PCDHGB1: variants seen among roughly 807,000 people sequenced by gnomAD.
PCDHGB1 encodes protocadherin gamma subfamily B, 1, also known as protocadherin gamma-B1.
A neutral mutation model predicts 56.6 loss-of-function variants in PCDHGB1; 34 were observed. That is an observed-to-expected ratio of 0.60 (90% CI 0.46 to 0.80). The LOEUF is 0.80. PCDHGB1 is among the 30% of genes least tolerant of loss of function. The probability of loss-of-function intolerance (pLI) is 0.00; values close to 1 mark genes in which losing one functional copy is unlikely to be tolerated. For synonymous variants in PCDHGB1, 561 were observed against 505.9 expected (o/e 1.11, Z -1.46); for missense variants, 1,278 against 1,204.6 (o/e 1.06, Z -0.90).
chr5:141,386,119 G>T (rs2090470238), intron 1 of PCDHGB1: 1 of 152,186 alleles, frequency 6.6e-6, no homozygotes, highest in Non-Finnish European at 1.5e-5. Context: ...ATCAAAGTGG[G>T]AGATTGGGGA....
At chr5:141,372,976 A>G (rs1223476542) in intron 1 of PCDHGB1, 1 of 663,898 alleles carries the variant, frequency 1.5e-6, no homozygotes, top group Non-Finnish European at 2.5e-6. Context: ...CCTGTAGAAT[A>G]TCTGTGTTGC....
chr5:141,476,825 G>A lies in PCDHGB1; in HGVS notation c.2410-17982G>A. ...GCCTATTCACATCAAGGTGCTGGACGCGAATGACAATGCGCCTGTCTTCAA... is the reference window on the plus strand; with the variant it reads ...GCCTATTCACATCAAGGTGCTGGACACGAATGACAATGCGCCTGTCTTCAA... On this transcript the variant is annotated intron_variant, in intron 1 of 3. Transcript: ENST00000523390. The surrounding 1 kb of genome is among the most constrained non-coding windows in gnomAD (Gnocchi z 7.6). 6.2e-7 allele frequency: 1 copy of A among 1,613,554 alleles called. No individual in the cohort carries two copies. Among genetic ancestry groups the A allele is most frequent in the East Asian group, 2.2e-5 (1 of 44,870 alleles).
At position 141,486,449 on chromosome 5, in the gene PCDHGB1, A is replaced by G; in HGVS notation, c.2410-8358A>G. On this transcript the variant is annotated intron_variant, in intron 1 of 3. Coordinates refer to ENST00000523390, the MANE Select transcript of PCDHGB1 (RefSeq NM_018922.3). The surrounding 1 kb of genome is among the most constrained non-coding windows in gnomAD (Gnocchi z 5.0). The stretch of plus-strand genomic sequence containing the variant: ...CAAATCTAGCTATGACATCATGGTC[A>G]CTGCTTCTGATGCTGGGAACCCTCC... The G allele has an allele frequency of 6.2e-7, 1 of 1,614,184 alleles. No homozygotes were observed. Among genetic ancestry groups the G allele is most frequent in the Non-Finnish European group, 8.5e-7 (1 of 1,180,000 alleles).
At chr5:141,405,032 G>A (rs747720731) in intron 1 of PCDHGB1, 25 of 1,613,806 alleles carry the variant, frequency 1.5e-5, no homozygotes, top group African/African-American at 6.7e-5. Context: ...CCTCTACCTC[G>A]TTGTGGCTGT....
chr5:141,366,139 G>GCTGT, intron 1 of PCDHGB1: 1 of 1,614,184 alleles, frequency 6.2e-7, no homozygotes, highest in East Asian at 2.2e-5. Context: ...AGAACGCCTG[G>GCTGT]CTGTCCTACC....
chr5:141,370,449 C>G, intron 1 of PCDHGB1: 1 of 1,608,694 alleles, frequency 6.2e-7, no homozygotes, highest in East Asian at 2.2e-5. Flanking sequence ...AATGCTATTT[C>G]TCTTCCTGCT....
At chr5:141,481,462 C>T (rs1395867714) in intron 1 of PCDHGB1, among the ~76,000 whole-genome samples, 1 of 152,162 alleles carries the variant, frequency 6.6e-6, no homozygotes. Flanking sequence ...ACACTGAAAA[C>T]CATTGGATTA....
intron 1 of PCDHGB1, among the ~76,000 whole-genome samples, chr5:141,382,034 G>A (rs574726397): frequency 6.6e-5 from 10 of 151,712 alleles, no homozygotes; most frequent in African/African-American, 2.4e-4. Flanking sequence ...TCTCCATGTT[G>A]GTCAGGCTGG....
chr5:141,408,965 C>T lies in PCDHGB1; in HGVS notation c.2409+56296C>T, dbSNP rs767484272. The T allele has an allele frequency of 1.5e-5, 25 of 1,613,688 alleles. No homozygotes were observed. The Admixed American group carries it at 4.2e-4, about 27-fold the overall frequency. On this transcript the variant is annotated intron_variant, in intron 1 of 3. Transcript: ENST00000523390. ...ATATAGAATTAGTCTTAGTGAAAATCTGCCCCCTGGGTCCCCTGTGTTGCA... is the reference window on the plus strand; with the variant it reads ...ATATAGAATTAGTCTTAGTGAAAATTTGCCCCCTGGGTCCCCTGTGTTGCA...
intron 2 of PCDHGB1, among the ~76,000 whole-genome samples, chr5:141,496,347 T>C (rs1168306693): frequency 6.6e-6 from 1 of 152,198 alleles, no homozygotes; most frequent in Non-Finnish European, 1.5e-5. Context: ...TGGAGGAGTC[T>C]CAGAGCCCAG....
rs149920059 is a variant in PCDHGB1 at position 141,409,848 on chromosome 5, G to A, written c.2409+57179G>A. 8,006 of 1,612,024 alleles carry A rather than the reference G, an allele frequency of 5.0e-3. 45 individuals are homozygous for A. The highest frequency in any genetic ancestry group is 9.5e-3 in the Admixed American group (567 of 59,794). On this transcript the variant is annotated intron_variant, in intron 1 of 3. Transcript: ENST00000523390. ...ACGCTCAGCGCCAACGTGAGCCTGC[G>A]CGTGTTGGTGGGAGACCGCAATGAC... is the stretch of plus-strand genomic sequence containing the variant.
chr5:141,433,508 A>G (rs2097615565), intron 1 of PCDHGB1, among the ~76,000 whole-genome samples: 1 of 152,068 alleles, frequency 6.6e-6, no homozygotes, highest in Non-Finnish European at 1.5e-5. Context: ...TGCTGGGATT[A>G]CAGGCGTGAA....
Position 141,430,120 on chromosome 5 carries a change from G to A in PCDHGB1, c.2410-64687G>A, listed in dbSNP as rs73280905. Among the ~76,000 whole-genome samples, 1,257 of 152,134 alleles carry A rather than the reference G, an allele frequency of 8.3e-3. 17 individuals are homozygous for A. Among genetic ancestry groups the A allele is most frequent in the African/African-American group, 0.029 (1,193 of 41,506 alleles). Reference sequence around the variant, plus strand: ...TTAAGCGTTACATGTCAACAACCTGGTAAAGTAATCCTTCCATTCAGGATC... The same window carrying A: ...TTAAGCGTTACATGTCAACAACCTGATAAAGTAATCCTTCCATTCAGGATC... On this transcript the variant is annotated intron_variant, in intron 1 of 3. Coordinates refer to ENST00000523390, the MANE Select transcript of PCDHGB1 (RefSeq NM_018922.3).
At position 141,512,133 on chromosome 5, in the gene PCDHGB1, G is replaced by C. The variant is rs1394116556; in HGVS notation, c.*960G>C. 1 of 152,708 alleles carries C rather than the reference G, an allele frequency of 6.5e-6. No homozygotes were observed. Among genetic ancestry groups the C allele is most frequent in the Non-Finnish European group, 1.5e-5 (1 of 68,102 alleles). The allele number at this position is 152,708 out of a possible 1,614,324, so 9.5% of individuals were successfully genotyped here. On this transcript the variant is annotated 3_prime_UTR_variant, in exon 4 of 4. Transcript: ENST00000523390. ...CCACTACATAATAGGGCTCAGCCCA[G>C]GCAGCCAGCTTTGGGCTGAGCTAAC...
At chr5:141,395,517 T>G in intron 1 of PCDHGB1, 2 of 415,414 alleles carry the variant, frequency 4.8e-6, no homozygotes, top group Non-Finnish European at 4.3e-6. Context: ...TAGCTACCCG[T>G]CCATACTGGT....
rs372258212 is a variant in PCDHGB1, at chr5:141,352,656, C to G, written c.2396C>G (p.Ser799Cys). The change falls in exon 1 of 4, where the codon TCT (serine) becomes TGT (cysteine). Residue 799 changes from serine (S) to cysteine (C), a missense_variant. Coordinates refer to ENST00000523390, the MANE Select transcript of PCDHGB1 (RefSeq NM_018922.3). ...NEDHKIAYDP[S>C]LSSHQAPPNT... ...GATCACAAAATCGCTTATGACCCTT[C>G]TTTGTCTTCGCACGTGAGTTTCTGC... 6.4e-5 allele frequency: 102 copies of G among 1,597,586 alleles called. No homozygotes were observed. The highest frequency in any genetic ancestry group is 8.3e-5 in the Non-Finnish European group (97 of 1,171,388).
chr5:141,486,559 G>A lies in PCDHGB1; in HGVS notation c.2410-8248G>A. ...CTTTCTTTCAGAGGTCACATGAGGTGTTTGTTCCTGAGAACAATCGCCCAG... is the reference window on the plus strand; with the variant it reads ...CTTTCTTTCAGAGGTCACATGAGGTATTTGTTCCTGAGAACAATCGCCCAG... On this transcript the variant is annotated intron_variant, in intron 1 of 3. Transcript: ENST00000523390. This position sits in a 1 kb window ranked among gnomAD's most constrained non-coding sequence, Gnocchi z 5.0. 6.2e-7 allele frequency: 1 copy of A among 1,614,032 alleles called. No individual in the cohort carries two copies. Among genetic ancestry groups the A allele is most frequent in the Non-Finnish European group, 8.5e-7 (1 of 1,180,022 alleles).
chr5:141,374,118 AGCAGGTCCT>A lies in PCDHGB1; in HGVS notation c.2409+21452_2409+21460del, dbSNP rs761650555. On this transcript the variant is annotated intron_variant, in intron 1 of 3. Coordinates refer to ENST00000523390, the MANE Select transcript of PCDHGB1 (RefSeq NM_018922.3). ...CCGCAGAGGCATCCGCAGCGCAGCG[AGCAGGTCCT>A]GCTCCTCACGCTCCTGGGGACGCTG... 3.3e-5 allele frequency: 52 copies of A among 1,589,674 alleles called. 1 individual carries two copies. In the South Asian group the frequency reaches 5.5e-4, roughly 17 times the overall value.
chr5:141,421,885 G>A (rs2096608692), intron 1 of PCDHGB1: 1 of 1,613,574 alleles, frequency 6.2e-7, no homozygotes, highest in African/African-American at 1.3e-5. Context: ...AGATGGAGGC[G>A]ATCCCATCCG....
Sources: gnomAD v4.1 joint callset for allele counts (sites outside exome capture counted in the v4.1 genomes callset) on GRCh38, gnomAD v4.1.1 for gene constraint, Gnocchi (gnomAD v3.1) non-coding constraint, MANE v1.5 for transcripts, NCBI Gene and HGNC (gene_info 2026-07-23, HGNC 2026-07-21) for gene names.